ANKS1B: variants seen among roughly 807,000 people sequenced by gnomAD.
ANKS1B encodes ankyrin repeat and sterile alpha motif domain-containing protein 1B.
In ANKS1B, 36 loss-of-function variants were observed where a neutral mutation model predicts 148.3. The observed-to-expected ratio is 0.24, with a 90% CI of 0.19 to 0.32. The LOEUF (loss-of-function observed/expected upper bound fraction) is 0.32, where lower values mean the gene tolerates loss of function less well. Among genes scored for constraint, ANKS1B ranks in the 10% least tolerant of loss-of-function variants. ANKS1B has a pLI of 1.00. For missense variants in ANKS1B, 1,157 were observed against 1,542.6 expected, an observed-to-expected ratio of 0.75 and a Z score of 4.19; for synonymous variants, 542 against 560.8, an observed-to-expected ratio of 0.97 and a Z score of 0.47.
intron 10 of ANKS1B, among the ~76,000 whole-genome samples, chr12:99,466,735 C>T (rs1451323505): frequency 1.3e-5 from 2 of 151,944 alleles, no homozygotes; most frequent in Non-Finnish European, 2.9e-5. Flanking sequence ...CAAGACTAAA[C>T]CAGGAAGAAG....
At chr12:99,607,103 A>G (rs2097856675) in intron 9 of ANKS1B, among the ~76,000 whole-genome samples, 1 of 152,130 alleles carries the variant, frequency 6.6e-6, no homozygotes, top group South Asian at 2.1e-4. Flanking sequence ...GAGTTAGGCC[A>G]GGGAGGATGG....
In ANKS1B at chr12:99,590,258, C is replaced by CACACACACA. The variant is rs1567422900; in HGVS notation, c.1272+64808_1272+64809insTGTGTGTGT. On this transcript the variant is annotated intron_variant, in intron 9 of 26. Coordinates refer to ENST00000683438, the MANE Select transcript of ANKS1B (RefSeq NM_001352186.2). ...AACATTCACTCACACCCACACCCAC[C>CACACACACA]CACACACACACACACACACACACAC... 1.1e-3 allele frequency among the ~76,000 whole-genome samples: 147 copies of CACACACACA among 132,868 alleles called. 1 individual carries two copies. The highest frequency in any genetic ancestry group is 7.3e-3 in the East Asian group (25 of 3,442). The allele number at this position is 132,868 out of a possible 152,430, so 87.2% of individuals were successfully genotyped here.
intron 9 of ANKS1B, among the ~76,000 whole-genome samples, chr12:99,532,292 TAA>T (rs148320295): frequency 0.13 from 20,532 of 152,262 alleles, 1,577 homozygotes; most frequent in Non-Finnish European, 0.17. Flanking sequence ...AGAGTTTTCC[TAA>T]GTTTTCTTCT....
In ANKS1B at chr12:98,846,959, T is replaced by A. The variant is rs115964525; in HGVS notation, c.2779-14823A>T. The stretch of plus-strand genomic sequence containing the variant: ...ACTTTATTCCAGTATGACTGACATG[T>A]AAAAGGTTGTACGTATTTAATGCAT... On this transcript the variant is annotated intron_variant, in intron 17 of 26. Coordinates refer to ENST00000683438, the MANE Select transcript of ANKS1B (RefSeq NM_001352186.2). Among the ~76,000 whole-genome samples the A allele has an allele frequency of 6.0e-4, 92 of 152,330 alleles. 1 individual carries two copies. Among genetic ancestry groups the A allele is most frequent in the African/African-American group, 2.1e-3 (87 of 41,572 alleles).
chr12:99,510,209 T>A (rs1596092711), intron 9 of ANKS1B, among the ~76,000 whole-genome samples: 1 of 152,044 alleles, frequency 6.6e-6, no homozygotes, highest in African/African-American at 2.4e-5. Context: ...TAACACAGCA[T>A]GTATTCTCCA....
At chr12:99,954,059 C>T (rs2153825491) in intron 1 of ANKS1B, among the ~76,000 whole-genome samples, 1 of 152,090 alleles carries the variant, frequency 6.6e-6, no homozygotes, top group South Asian at 2.1e-4. Context: ...AGACTCTAAA[C>T]AAAATATGGA....
chr12:99,246,355 A>C lies in ANKS1B; in HGVS notation c.2266T>G (p.Trp756Gly), dbSNP rs771814518. ...TGTTCAGCAGTGGAAGATTCACTCC[A>C]GTTAACTCTTGATGTTTTCTCATTG... ...PSNEKTSRVNWSESSTAEHSS... is the reference protein window; with the variant it reads ...PSNEKTSRVNGSESSTAEHSS... Residue 756 changes from tryptophan (W) to glycine (G), a missense_variant, in exon 13 of 27, where the codon TGG (tryptophan) becomes GGG (glycine). Trp to Gly is a radical substitution (Grantham distance 184). Around this residue, in one of 6 missense-constraint regions of ANKS1B, gnomAD observed 661 missense variants for 642.1 expected, o/e 1.03. Coordinates refer to ENST00000683438, the MANE Select transcript of ANKS1B (RefSeq NM_001352186.2). 3 of 1,613,638 alleles carry C rather than the reference A, an allele frequency of 1.9e-6. No individual in the cohort carries two copies.
At chr12:99,578,161 C>T (rs541527750) in intron 9 of ANKS1B, among the ~76,000 whole-genome samples, 6 of 151,926 alleles carry the variant, frequency 3.9e-5, no homozygotes, top group Non-Finnish European at 5.9e-5. Flanking sequence ...TTGATAAAAT[C>T]CAACATCCCT....
In ANKS1B at chr12:99,112,052, T is replaced by C. The variant is rs370161582; in HGVS notation, c.2527-27029A>G. The stretch of plus-strand genomic sequence containing the variant: ...TGGCATTCTGAAATTTGTAAATTGC[T>C]TTCATATATCTGCTTCAATTCTCAT... On this transcript the variant is annotated intron_variant, in intron 15 of 26. Coordinates refer to ENST00000683438, the MANE Select transcript of ANKS1B (RefSeq NM_001352186.2). Among the ~76,000 whole-genome samples, 18 of 152,324 alleles carry C rather than the reference T, an allele frequency of 1.2e-4. No homozygotes were observed. In the East Asian group the frequency reaches 2.5e-3, roughly 21 times the overall value.
chr12:99,666,435 C>T (rs1468409337), intron 8 of ANKS1B, among the ~76,000 whole-genome samples: 1 of 152,004 alleles, frequency 6.6e-6, no homozygotes, highest in African/African-American at 2.4e-5. Flanking sequence ...GGTATATCCC[C>T]GTAGGTATTA....
At chr12:99,621,043 T>C (rs981074242) in intron 9 of ANKS1B, among the ~76,000 whole-genome samples, 3 of 152,054 alleles carry the variant, frequency 2.0e-5, no homozygotes, top group African/African-American at 4.8e-5. Context: ...CAAGCTAACA[T>C]AGACATTTCA....
chr12:98,776,666 C>T (rs954678583), intron 24 of ANKS1B, among the ~76,000 whole-genome samples: 6 of 152,194 alleles, frequency 3.9e-5, no homozygotes, highest in African/African-American at 7.2e-5. Flanking sequence ...TGCCTCTCGC[C>T]ACTGCATTCA....
chr12:99,662,247 G>A (rs2098481325), intron 8 of ANKS1B, among the ~76,000 whole-genome samples: 1 of 151,980 alleles, frequency 6.6e-6, no homozygotes, highest in Non-Finnish European at 1.5e-5. Flanking sequence ...CCTTTGGAAG[G>A]CCTTCTTGAT....
intron 14 of ANKS1B, among the ~76,000 whole-genome samples, chr12:99,157,156 A>G (rs2076150151): frequency 6.6e-6 from 1 of 152,186 alleles, no homozygotes; most frequent in African/African-American, 2.4e-5. Context: ...CAATTTTAAT[A>G]GATTCTAGTT....
intron 3 of ANKS1B, among the ~76,000 whole-genome samples, chr12:99,810,224 C>G (rs2068163461): frequency 6.6e-6 from 1 of 151,956 alleles, no homozygotes; most frequent in African/African-American, 2.4e-5. Flanking sequence ...GTGATATTAT[C>G]AATTCAGAGG....
At chr12:99,375,965 A>G (rs1283545282) in intron 12 of ANKS1B, among the ~76,000 whole-genome samples, 1 of 152,274 alleles carries the variant, frequency 6.6e-6, no homozygotes, top group South Asian at 2.1e-4. Flanking sequence ...GAATATTGTC[A>G]CATGGAACTA....
chr12:99,576,602 A>C (rs2097522630), intron 9 of ANKS1B, among the ~76,000 whole-genome samples: 1 of 152,140 alleles, frequency 6.6e-6, no homozygotes, highest in African/African-American at 2.4e-5. Flanking sequence ...ACACAATTAC[A>C]TGGAAATTAA....
intron 21 of ANKS1B, among the ~76,000 whole-genome samples, chr12:98,799,522 G>C (rs181443779): frequency 8.6e-4 from 120 of 139,584 alleles, no homozygotes; most frequent in African/African-American, 2.8e-3. Context: ...ACCTGAGAAC[G>C]GGATGGGAGG....
intron 17 of ANKS1B, among the ~76,000 whole-genome samples, chr12:98,861,059 C>A (rs1242779276): frequency 6.6e-6 from 1 of 152,130 alleles, no homozygotes; most frequent in Non-Finnish European, 1.5e-5. Context: ...ATGAAAGACT[C>A]AAAAATTCCT....
Sources: gnomAD v4.1 joint callset for allele counts (sites outside exome capture counted in the v4.1 genomes callset) on GRCh38, gnomAD v4.1.1 for gene constraint, gnomAD v4.1.1 regional missense constraint, MANE v1.5 for transcripts, NCBI Gene and HGNC (gene_info 2026-07-23, HGNC 2026-07-21) for gene names.